The following DPP8 variants were observed in gnomAD, a reference collection of about 807,000 sequenced individuals.
The protein encoded by DPP8 is DPP VIII.
In DPP8, 31 loss-of-function variants were observed where a neutral mutation model predicts 107.5. That is an observed-to-expected ratio of 0.29 (90% confidence interval 0.22 to 0.39). The LOEUF is 0.39. Among genes scored for constraint, DPP8 ranks in the 10% least tolerant of loss-of-function variants. The probability of loss-of-function intolerance (pLI) is 1.00; values close to 1 mark genes in which losing one functional copy is unlikely to be tolerated. For missense variants in DPP8, 842 were observed against 1,076.1 expected, an observed-to-expected ratio of 0.78 and a Z score of 3.04; for synonymous variants, 381 against 356.6, an observed-to-expected ratio of 1.07 and a Z score of -0.77.
At chr15:65,511,146 G>T (rs543738499) in intron 2 of DPP8, among the ~76,000 whole-genome samples, 3 of 152,098 alleles carry the variant, frequency 2.0e-5, no homozygotes, top group African/African-American at 7.2e-5. Context: ...TGTGCAAAAT[G>T]ATCTAATACA....
chr15:65,469,772 G>A (rs975624627), intron 12 of DPP8, among the ~76,000 whole-genome samples: 2 of 151,902 alleles, frequency 1.3e-5, no homozygotes, highest in African/African-American at 4.8e-5. Flanking sequence ...GGAGGCAGAG[G>A]TTGCAGTGGG....
intron 19 of DPP8, among the ~76,000 whole-genome samples, chr15:65,449,529 C>T (rs2063811763): frequency 6.6e-6 from 1 of 151,936 alleles, no homozygotes; most frequent in East Asian, 1.9e-4. Context: ...CATGCCTCAG[C>T]TTCCTGAGTA....
chr15:65,496,446 G>A (rs2068609423), intron 5 of DPP8, among the ~76,000 whole-genome samples: 1 of 152,086 alleles, frequency 6.6e-6, no homozygotes, highest in South Asian at 2.1e-4. Flanking sequence ...CGTGTTCAAA[G>A]AAAAAGCAAT....
intron 12 of DPP8, 25 bp downstream of exon 12, chr15:65,474,184 A>C (rs76223536): frequency 6.7e-7 from 1 of 1,503,416 alleles, no homozygotes; most frequent in Non-Finnish European, 9.3e-7. Context: ...CTGACCAAAC[A>C]TATCAGTAGA....
At chr15:65,461,971 C>T (rs660931) in intron 15 of DPP8, among the ~76,000 whole-genome samples, 53,991 of 151,236 alleles carry the variant, frequency 0.36, 11,350 homozygotes, top group East Asian at 0.77. Flanking sequence ...AATTTAACTT[C>T]CTTTCTTTCT....
At chr15:65,481,389 T>C in intron 9 of DPP8, 126 bp downstream of exon 9, 1 of 678,100 alleles carries the variant, frequency 1.5e-6, no homozygotes. Context: ...CCTTGTGTAG[T>C]AATAACTGTA....
chr15:65,480,128 TAAA>T (rs899897736), intron 10 of DPP8, 91 bp downstream of exon 10: 1 of 1,081,894 alleles, frequency 9.2e-7, no homozygotes, highest in Non-Finnish European at 1.3e-6. Context: ...CCTTTAAACT[TAAA>T]AAAAAATGCA....
intron 11 of DPP8, among the ~76,000 whole-genome samples, chr15:65,477,200 C>T (rs1430194942): frequency 6.6e-6 from 1 of 152,018 alleles, no homozygotes; most frequent in Non-Finnish European, 1.5e-5. Flanking sequence ...GCTGGTGAAT[C>T]ACATGAGGTC....
chr15:65,453,452 T>C lies in DPP8; in HGVS notation c.2271+811A>G, dbSNP rs190673279. Among the ~76,000 whole-genome samples, 15 of 150,818 alleles carry C rather than the reference T, an allele frequency of 9.9e-5. No individual in the cohort carries two copies. In the East Asian group the frequency reaches 1.6e-3, roughly 16 times the overall value. ...AAATATACACACACACACACACACA[T>C]ACATATATATATATCTACACACATA... On this transcript the variant is annotated intron_variant, in intron 17 of 19. Coordinates refer to ENST00000300141, the MANE Select transcript of DPP8 (RefSeq NM_130434.5).
At chr15:65,511,875 C>T (rs352478) in intron 2 of DPP8, 231,742 of 246,130 alleles carry the variant, frequency 0.94, 109,121 homozygotes, top group Admixed American at 0.96. Context: ...ACATATTTAA[C>T]ATAGGCAGAC....
chr15:65,470,931 A>C (rs1329084266), intron 12 of DPP8, among the ~76,000 whole-genome samples: 1 of 152,048 alleles, frequency 6.6e-6, no homozygotes, highest in Non-Finnish European at 1.5e-5. Flanking sequence ...AAAAAAAAAA[A>C]AAAGAGGGAA....
At chr15:65,451,813 C>G (rs2063998087) in intron 18 of DPP8, 147 bp downstream of exon 18, 2 of 743,808 alleles carry the variant, frequency 2.7e-6, no homozygotes, top group Non-Finnish European at 4.0e-6. Flanking sequence ...GTAAACCCAG[C>G]TACTCGGGGG....
chr15:65,488,466 GGT>G, intron 6 of DPP8, among the ~76,000 whole-genome samples: 1 of 151,702 alleles, frequency 6.6e-6, no homozygotes, highest in African/African-American at 2.4e-5. Context: ...AAATTAGCTG[GGT>G]GTAGTGGCTT....
chr15:65,466,982 G>A, intron 13 of DPP8, 89 bp downstream of exon 13: 1 of 1,518,032 alleles, frequency 6.6e-7, no homozygotes, highest in Non-Finnish European at 8.9e-7. Flanking sequence ...TTAGGCTTTT[G>A]CAGGCCAATT....
intron 1 of DPP8, among the ~76,000 whole-genome samples, chr15:65,515,485 T>C (rs1289186791): frequency 6.6e-6 from 1 of 152,200 alleles, no homozygotes. Context: ...TGTGCAGATG[T>C]TTGGTAAATG....
chr15:65,452,442 A>G (rs991687866), intron 17 of DPP8, among the ~76,000 whole-genome samples: 4 of 152,138 alleles, frequency 2.6e-5, no homozygotes, highest in Non-Finnish European at 2.9e-5. Context: ...TTATGTAAAA[A>G]AGGAGCCACC....
At position 65,512,324 on chromosome 15, in the gene DPP8, C is replaced by G. The variant is rs2070892838; in HGVS notation, c.230G>C (p.Gly77Ala). 1 of 1,613,342 alleles carries G rather than the reference C, an allele frequency of 6.2e-7. No homozygotes were observed. The highest frequency in any genetic ancestry group is 1.1e-5 in the South Asian group (1 of 91,084). The change falls in exon 2 of 20, where the codon GGA (glycine) becomes GCA (alanine). Residue 77 changes from glycine (G) to alanine (A), a missense_variant. Physicochemically the swap from Gly to Ala is moderately conservative, Grantham distance 60 (BLOSUM62 0). This residue lies in a region of DPP8 where 663 missense variants were observed against 758.0 expected (regional missense o/e 0.87). Coordinates refer to ENST00000300141, the MANE Select transcript of DPP8 (RefSeq NM_130434.5). The stretch of plus-strand genomic sequence containing the variant: ...GTAATAGATTCTGTCTGAATGAGGT[C>G]CATCTGGATCATTCCTCTTCACAAA... ...FMFVKRNDPD[G>A]PHSDRIYYLA...
intron 14 of DPP8, among the ~76,000 whole-genome samples, chr15:65,465,585 T>C (rs1417516686): frequency 6.6e-6 from 1 of 151,164 alleles, no homozygotes; most frequent in East Asian, 1.9e-4. Flanking sequence ...TTTTTTTTTT[T>C]GACTCCGTCG....
At chr15:65,490,398 G>A in intron 5 of DPP8, 99 bp from the exon 6 acceptor site, 2 of 772,868 alleles carry the variant, frequency 2.6e-6, no homozygotes, top group Middle Eastern at 4.5e-4. Flanking sequence ...CTGGAATACA[G>A]TGGTAAACTC....
Sources: gnomAD v4.1 joint callset for allele counts (sites outside exome capture counted in the v4.1 genomes callset) on GRCh38, gnomAD v4.1.1 for gene constraint, gnomAD v4.1.1 regional missense constraint, MANE v1.5 for transcripts, NCBI Gene and HGNC (gene_info 2026-07-23, HGNC 2026-07-21) for gene names.